Variants in TDRD7 observed in about 807,000 individuals in gnomAD.
TDRD7 encodes the protein tudor domain-containing protein 7.
TDRD7 carries 47 observed loss-of-function variants against 109.8 expected under a neutral mutation model. The ratio of observed to expected loss-of-function variants is 0.43; its 90% CI spans 0.34 to 0.55. TDRD7 has a LOEUF of 0.55. Ranked by LOEUF, TDRD7 falls within the 20% of genes least tolerant of loss-of-function variation. The pLI, the probability that TDRD7 is intolerant of heterozygous loss-of-function variation, is 0.03. For synonymous variants in TDRD7, 424 were observed against 457.3 expected, an observed-to-expected ratio of 0.93 and a Z score of 0.93; for missense variants, 1,164 against 1,319.2, an observed-to-expected ratio of 0.88 and a Z score of 1.82.
intron 16 of TDRD7, among the ~76,000 whole-genome samples, chr9:97,494,726 C>CTA (rs1564219987): frequency 4.3e-5 from 6 of 138,914 alleles, no homozygotes; most frequent in Admixed American, 7.2e-5. Flanking sequence ...TTTTTTTTTT[C>CTA]GAGAGGGTCT....
chr9:97,490,957 C>T (rs2131186961), intron 16 of TDRD7, among the ~76,000 whole-genome samples: 1 of 146,036 alleles, frequency 6.8e-6, no homozygotes, highest in East Asian at 2.0e-4. Context: ...GCTCTGTCAC[C>T]CACACTGGAG....
intron 1 of TDRD7, among the ~76,000 whole-genome samples, chr9:97,427,459 C>A (rs1828018916): frequency 6.6e-6 from 1 of 152,074 alleles, no homozygotes; most frequent in Non-Finnish European, 1.5e-5. Flanking sequence ...TTGTTTTTTA[C>A]TCCCTGGATG....
intron 1 of TDRD7, among the ~76,000 whole-genome samples, chr9:97,423,051 C>T (rs1489531160): frequency 6.6e-6 from 1 of 152,158 alleles, no homozygotes; most frequent in African/African-American, 2.4e-5. Context: ...AAAATGAGTT[C>T]AGAAATGTTC....
intron 7 of TDRD7, 94 bp downstream of exon 7, chr9:97,460,858 A>T (rs1333235813): frequency 4.9e-6 from 6 of 1,218,516 alleles, no homozygotes; most frequent in African/African-American, 1.5e-5. Flanking sequence ...GAAGAATAAT[A>T]TGGCCGGGTG....
chr9:97,434,176 T>C (rs893396078), intron 4 of TDRD7, among the ~76,000 whole-genome samples: 1 of 152,190 alleles, frequency 6.6e-6, no homozygotes, highest in Non-Finnish European at 1.5e-5. Context: ...ATACTTACTC[T>C]TCAGCCTTTA....
chr9:97,474,814 G>A (rs1184813961), intron 11 of TDRD7, among the ~76,000 whole-genome samples: 1 of 152,156 alleles, frequency 6.6e-6, no homozygotes, highest in African/African-American at 2.4e-5. Flanking sequence ...ACCCTGAACA[G>A]AAAGAGACCA....
chr9:97,461,825 C>A (rs1828730228), intron 7 of TDRD7, among the ~76,000 whole-genome samples: 1 of 152,150 alleles, frequency 6.6e-6, no homozygotes, highest in Non-Finnish European at 1.5e-5. Context: ...GGCTGTCCCT[C>A]CTCCAGAGAC....
chr9:97,414,391 C>A (rs946197371), intron 1 of TDRD7, among the ~76,000 whole-genome samples: 1 of 152,330 alleles, frequency 6.6e-6, no homozygotes, highest in Admixed American at 6.5e-5. Flanking sequence ...CATGAGTAAG[C>A]AAACTCGGTT....
intron 7 of TDRD7, among the ~76,000 whole-genome samples, chr9:97,463,861 A>T (rs1828774130): frequency 6.6e-6 from 1 of 152,234 alleles, no homozygotes; most frequent in Non-Finnish European, 1.5e-5. Context: ...ACAAGCATAC[A>T]GTTTTAGAGA....
chr9:97,431,633 G>A (rs899263351), intron 3 of TDRD7, among the ~76,000 whole-genome samples: 3 of 152,128 alleles, frequency 2.0e-5, no homozygotes, highest in Admixed American at 6.6e-5. Context: ...GGACAAGGGA[G>A]CAATCATTTT....
intron 16 of TDRD7, among the ~76,000 whole-genome samples, chr9:97,488,172 A>AGC (rs1254708182): frequency 1.3e-5 from 2 of 152,232 alleles, no homozygotes; most frequent in African/African-American, 4.8e-5. Flanking sequence ...TAGCATGAAC[A>AGC]GCTGGATGAA....
chr9:97,489,636 G>A (rs1829267396), intron 16 of TDRD7, among the ~76,000 whole-genome samples: 1 of 151,970 alleles, frequency 6.6e-6, no homozygotes, highest in Admixed American at 6.6e-5. Flanking sequence ...TTAGACTATT[G>A]ACATTGAAAG....
In TDRD7 at chr9:97,480,720, G is replaced by C. The variant is rs1829101469; in HGVS notation, c.2302-108G>C. Reference sequence around the variant, plus strand: ...TTGTCGTTATTAGCTGTTGTTGCTTGCTGTCTATCTTGGTACCATTTGATT... The same window carrying C: ...TTGTCGTTATTAGCTGTTGTTGCTTCCTGTCTATCTTGGTACCATTTGATT... On this transcript the variant is annotated intron_variant, in intron 13 of 16. Coordinates refer to ENST00000355295, the MANE Select transcript of TDRD7 (RefSeq NM_014290.3). 4 of 899,702 alleles carry C rather than the reference G, an allele frequency of 4.4e-6. No homozygotes were observed. In the African/African-American group the frequency reaches 4.9e-5, roughly 11 times the overall value. 55.7% of individuals were successfully genotyped at this position (899,702 alleles called of 1,614,324 possible). A position where few individuals can be genotyped will look rare whatever the true frequency, so the allele number is the denominator to read the frequency against.
chr9:97,465,050 A>G (rs1425219433), intron 8 of TDRD7, 22 bp downstream of exon 8: 1 of 1,609,026 alleles, frequency 6.2e-7, no homozygotes, highest in East Asian at 2.2e-5. Flanking sequence ...TTACTTTGTC[A>G]TAGCATTATG....
intron 4 of TDRD7, among the ~76,000 whole-genome samples, chr9:97,437,104 A>G (rs985380154): frequency 1.3e-5 from 2 of 152,128 alleles, no homozygotes; most frequent in African/African-American, 4.8e-5. Context: ...TTAATTATCT[A>G]TTGCTGTGTT....
chr9:97,420,769 A>G lies in TDRD7; in HGVS notation c.-6-7691A>G, dbSNP rs113770610. ...ACACGTTTCTGTGTGGACATATGTC[A>G]TCATTTCTCTTGGGCAATAATGTAG... On this transcript the variant is annotated intron_variant, in intron 1 of 16. Transcript: ENST00000355295. Among the ~76,000 whole-genome samples the G allele has an allele frequency of 6.6e-5, 10 of 152,356 alleles. 2 individuals carry two copies. The highest frequency in any genetic ancestry group is 2.2e-4 in the African/African-American group (9 of 41,576).
intron 1 of TDRD7, among the ~76,000 whole-genome samples, chr9:97,426,555 T>C (rs890462877): frequency 2.0e-5 from 3 of 152,204 alleles, no homozygotes; most frequent in African/African-American, 4.8e-5. Flanking sequence ...ATCTGGCCTC[T>C]TTTACTTTTT....
chr9:97,454,781 C>T (rs1163389668), intron 6 of TDRD7, among the ~76,000 whole-genome samples: 1 of 151,958 alleles, frequency 6.6e-6, no homozygotes, highest in Non-Finnish European at 1.5e-5. Flanking sequence ...GCTAGAAAAG[C>T]AAGAGCAAAC....
intron 16 of TDRD7, among the ~76,000 whole-genome samples, chr9:97,493,380 G>A (rs148494976): frequency 8.5e-5 from 13 of 152,196 alleles, no homozygotes; most frequent in African/African-American, 1.2e-4. Flanking sequence ...CCCCTAAGCC[G>A]TAAAATCAGC....
Sources: allele counts gnomAD v4.1 joint callset (sites outside exome capture counted in the v4.1 genomes callset), GRCh38; gene constraint gnomAD v4.1.1; transcripts MANE v1.5; gene names NCBI Gene and HGNC (gene_info 2026-07-23, HGNC 2026-07-21).